The following SIK3 variants were observed in gnomAD, a reference collection of about 807,000 sequenced individuals.
The protein encoded by SIK3 is SIK family kinase 3.
SIK3 carries 28 observed loss-of-function variants against 144.2 expected under a neutral mutation model. That is an observed-to-expected ratio of 0.19 (90% CI 0.14 to 0.27). The LOEUF (loss-of-function observed/expected upper bound fraction) is 0.27, where lower values mean the gene tolerates loss of function less well. Among genes scored for constraint, SIK3 ranks in the 10% least tolerant of loss-of-function variants. The pLI, the probability that SIK3 is intolerant of heterozygous loss-of-function variation, is 1.00. For missense variants in SIK3, 1,319 were observed against 1,776.0 expected, an observed-to-expected ratio of 0.74 and a Z score of 4.62; for synonymous variants, 686 against 676.3, an observed-to-expected ratio of 1.01 and a Z score of -0.22.
chr11:117,083,401 T>C (rs1477940397), intron 1 of SIK3, among the ~76,000 whole-genome samples: 1 of 152,128 alleles, frequency 6.6e-6, no homozygotes, highest in African/African-American at 2.4e-5. Flanking sequence ...ACCATACACA[T>C]GTAAGATATT....
chr11:117,032,145 T>G (rs1952289380), intron 1 of SIK3, among the ~76,000 whole-genome samples: 1 of 152,210 alleles, frequency 6.6e-6, no homozygotes, highest in Admixed American at 6.5e-5. Context: ...GTTTAGCTAT[T>G]CTAGTTTCCT....
intron 1 of SIK3, among the ~76,000 whole-genome samples, chr11:116,993,954 CAT>C (rs1391659297): frequency 1.2e-4 from 19 of 152,200 alleles, no homozygotes; most frequent in Non-Finnish European, 2.1e-4. Flanking sequence ...ACGAAACAGA[CAT>C]GTGTTTGTGT....
At chr11:116,947,217 A>T (rs1455499946) in intron 3 of SIK3, among the ~76,000 whole-genome samples, 3 of 119,096 alleles carry the variant, frequency 2.5e-5, no homozygotes, top group Admixed American at 8.7e-5. Flanking sequence ...TTTATATACA[A>T]TATATAATTA....
chr11:117,002,327 T>C (rs1256557214), intron 1 of SIK3, among the ~76,000 whole-genome samples: 1 of 152,160 alleles, frequency 6.6e-6, no homozygotes, highest in Non-Finnish European at 1.5e-5. Flanking sequence ...CAGCTATTGT[T>C]AGTGTTAGTG....
intron 1 of SIK3, among the ~76,000 whole-genome samples, chr11:117,012,116 C>T (rs985330365): frequency 1.3e-5 from 2 of 151,854 alleles, no homozygotes; most frequent in African/African-American, 2.4e-5. Context: ...TGGGACTACA[C>T]GCATGTACCC....
At chr11:117,078,747 A>G (rs1454883642) in intron 1 of SIK3, among the ~76,000 whole-genome samples, 2 of 152,114 alleles carry the variant, frequency 1.3e-5, no homozygotes, top group Non-Finnish European at 2.9e-5. Context: ...AAATTGTCAT[A>G]TTTTTAATTT....
At chr11:117,049,878 T>C (rs1180181914) in intron 1 of SIK3, among the ~76,000 whole-genome samples, 1 of 152,078 alleles carries the variant, frequency 6.6e-6, no homozygotes, top group Non-Finnish European at 1.5e-5. Context: ...TGAGGATCAC[T>C]TGAGCCCAGA....
intron 1 of SIK3, among the ~76,000 whole-genome samples, chr11:116,969,709 T>C (rs1444783274): frequency 6.6e-6 from 1 of 152,128 alleles, no homozygotes; most frequent in Non-Finnish European, 1.5e-5. Flanking sequence ...TACACAGCAG[T>C]AGAAACTTTT....
intron 6 of SIK3, among the ~76,000 whole-genome samples, chr11:116,890,332 C>T (rs557226141): frequency 6.6e-6 from 1 of 152,308 alleles, no homozygotes; most frequent in African/African-American, 2.4e-5. Context: ...GACTGGAGCT[C>T]AGAACCGGAG....
intron 3 of SIK3, among the ~76,000 whole-genome samples, chr11:116,932,401 A>G (rs1340223326): frequency 6.6e-6 from 1 of 152,246 alleles, no homozygotes; most frequent in Non-Finnish European, 1.5e-5. Context: ...ATCAAAACCC[A>G]GAATTTGACA....
rs1952280614 is a variant in SIK3, at chr11:117,031,909, G to C, written c.273+66234C>G. Among the ~76,000 whole-genome samples the C allele has an allele frequency of 2.0e-5, 3 of 151,822 alleles. No individual in the cohort carries two copies. The South Asian group carries it at 6.2e-4, about 31-fold the overall frequency. On this transcript the variant is annotated intron_variant, in intron 1 of 24. Transcript: ENST00000445177. ...GATGGTGAATGTTATACAACTTTGTGAATATAATAAAAAACCACTGAATTT... is the reference window on the plus strand; with the variant it reads ...GATGGTGAATGTTATACAACTTTGTCAATATAATAAAAAACCACTGAATTT...
intron 1 of SIK3, among the ~76,000 whole-genome samples, chr11:117,056,553 A>C (rs1329381276): frequency 9.5e-6 from 1 of 105,648 alleles, no homozygotes; most frequent in African/African-American, 5.6e-5. Context: ...ATAGATATAG[A>C]TATAGATATA....
chr11:116,987,997 G>T (rs552955761), intron 1 of SIK3, among the ~76,000 whole-genome samples: 183 of 152,334 alleles, frequency 1.2e-3, no homozygotes, highest in African/African-American at 4.1e-3. Context: ...ACTGTGAGAA[G>T]TAGAAAGATC....
Position 117,008,075 on chromosome 11 carries a change from C to CAA in SIK3, c.274-51013_274-51012dup, listed in dbSNP as rs59486431. Among the ~76,000 whole-genome samples, 484 of 54,680 alleles carry CAA rather than the reference C, an allele frequency of 8.9e-3. 42 individuals carry two copies. The highest frequency in any genetic ancestry group is 0.04 in the East Asian group (51 of 1,278). 35.9% of individuals were successfully genotyped at this position (54,680 alleles called of 152,430 possible). A position where few individuals can be genotyped will look rare whatever the true frequency, so the allele number is the denominator to read the frequency against. The stretch of plus-strand genomic sequence containing the variant: ...TGGGCAACAGAGAGAGACTCCATCT[C>CAA]AAAAAAAAAAAAAAAAAAAAAAAAA... On this transcript the variant is annotated intron_variant, in intron 1 of 24. Coordinates refer to ENST00000445177, the MANE Select transcript of SIK3 (RefSeq NM_001366686.3).
At chr11:117,056,013 C>G (rs1953499829) in intron 1 of SIK3, among the ~76,000 whole-genome samples, 4 of 152,188 alleles carry the variant, frequency 2.6e-5, no homozygotes, top group Admixed American at 2.6e-4. Context: ...TCTCCTATAG[C>G]AGCACAAAAG....
intron 1 of SIK3, among the ~76,000 whole-genome samples, chr11:117,052,758 G>A (rs1024719317): frequency 1.3e-5 from 2 of 152,214 alleles, no homozygotes; most frequent in African/African-American, 4.8e-5. Context: ...ACCTATTGCA[G>A]ATAGGAAGCT....
At chr11:116,897,042 AAAAG>A (rs1945447250) in intron 5 of SIK3, 147 bp downstream of exon 5, 1 of 768,254 alleles carries the variant, frequency 1.3e-6, no homozygotes, top group Non-Finnish European at 1.9e-6. Flanking sequence ...AAAAAAAAAA[AAAAG>A]GCTTTGCACA....
In SIK3 at chr11:116,947,364, G is replaced by A. The variant is rs201773450; in HGVS notation, c.454+6680C>T. Among the ~76,000 whole-genome samples the A allele has an allele frequency of 1.9e-4, 28 of 147,086 alleles. No individual in the cohort carries two copies. In the East Asian group the frequency reaches 3.4e-3, roughly 18 times the overall value. On this transcript the variant is annotated intron_variant, in intron 3 of 24. Coordinates refer to ENST00000445177, the MANE Select transcript of SIK3 (RefSeq NM_001366686.3). ...AAAAGATACTAAGAAGGAACAGTCCGAACAATAGAAGAATCAGAAGTTGAA... is the reference window on the plus strand; with the variant it reads ...AAAAGATACTAAGAAGGAACAGTCCAAACAATAGAAGAATCAGAAGTTGAA...
chr11:117,024,220 T>C (rs1207170867), intron 1 of SIK3, among the ~76,000 whole-genome samples: 2 of 152,074 alleles, frequency 1.3e-5, no homozygotes, highest in Non-Finnish European at 2.9e-5. Flanking sequence ...TAAAAATGTT[T>C]ATGCCTTTTC....
Sources: allele counts gnomAD v4.1 joint callset (sites outside exome capture counted in the v4.1 genomes callset), GRCh38; gene constraint gnomAD v4.1.1; transcripts MANE v1.5; gene names NCBI Gene and HGNC (gene_info 2026-07-23, HGNC 2026-07-21).